The following PTPRG variants were observed in gnomAD, a reference collection of about 807,000 sequenced individuals.
PTPRG encodes protein tyrosine phosphatase receptor type G.
Under a neutral mutation model 165.3 loss-of-function variants are expected in PTPRG, and 102 were observed. The ratio of observed to expected loss-of-function variants is 0.62; its 90% CI spans 0.53 to 0.73. The LOEUF is 0.73. Among genes scored for constraint, PTPRG ranks in the 30% least tolerant of loss-of-function variants. PTPRG has a pLI of 0.00. For missense variants in PTPRG, 1,866 were observed against 1,861.4 expected (o/e 1.00, Z -0.05); for synonymous variants, 675 against 669.5 (o/e 1.01, Z -0.13).
chr3:61,669,199 A>G, intron 1 of PTPRG, among the ~76,000 whole-genome samples: 1 of 152,200 alleles, frequency 6.6e-6, no homozygotes, highest in East Asian at 1.9e-4. Flanking sequence ...AATAAAAAGT[A>G]TGAGCAGAAG....
At chr3:61,892,654 T>C (rs995152091) in intron 2 of PTPRG, among the ~76,000 whole-genome samples, 2 of 151,980 alleles carry the variant, frequency 1.3e-5, no homozygotes, top group East Asian at 1.9e-4. Context: ...CCTTCTTTAC[T>C]AAAAATACAA....
chr3:61,939,501 T>A (rs953526136), intron 2 of PTPRG, among the ~76,000 whole-genome samples: 1 of 152,218 alleles, frequency 6.6e-6, no homozygotes, highest in African/African-American at 2.4e-5. Context: ...CAGAAACTGC[T>A]GAAGATTTTA....
chr3:61,573,791 T>C (rs1022054609), intron 1 of PTPRG, among the ~76,000 whole-genome samples: 1 of 152,208 alleles, frequency 6.6e-6, no homozygotes, highest in African/African-American at 2.4e-5. Context: ...AGATATCTCA[T>C]GTTTGTATAT....
At chr3:61,819,104 C>T (rs1461466323) in intron 2 of PTPRG, among the ~76,000 whole-genome samples, 5 of 151,704 alleles carry the variant, frequency 3.3e-5, no homozygotes, top group African/African-American at 1.2e-4. Context: ...CTTTTTTTTT[C>T]TTTGACAGTA....
At chr3:61,616,729 G>A (rs1701308373) in intron 1 of PTPRG, among the ~76,000 whole-genome samples, 1 of 152,194 alleles carries the variant, frequency 6.6e-6, no homozygotes, top group Non-Finnish European at 1.5e-5. Context: ...GGCAAGCAGG[G>A]TGTGTTGGCT....
At chr3:61,743,097 T>G in intron 1 of PTPRG, 1 of 1,527,982 alleles carries the variant, frequency 6.5e-7, no homozygotes, top group Non-Finnish European at 9.0e-7. Context: ...TGCGAGAGAC[T>G]GCTGCTCATG....
At chr3:62,197,424 T>A (rs1699992102) in intron 10 of PTPRG, among the ~76,000 whole-genome samples, 1 of 152,238 alleles carries the variant, frequency 6.6e-6, no homozygotes, top group African/African-American at 2.4e-5. Flanking sequence ...AATGTTCACA[T>A]TGATCTCATC....
intron 1 of PTPRG, among the ~76,000 whole-genome samples, chr3:61,591,316 A>G (rs969653509): frequency 6.6e-6 from 1 of 152,178 alleles, no homozygotes. Flanking sequence ...TTCAGTCTCC[A>G]TTAGCTGGTC....
intron 14 of PTPRG, among the ~76,000 whole-genome samples, chr3:62,238,306 T>A (rs1436958288): frequency 6.6e-6 from 1 of 152,156 alleles, no homozygotes; most frequent in Non-Finnish European, 1.5e-5. Flanking sequence ...TCAGTGAATG[T>A]TTCATGTAAG....
In PTPRG at chr3:62,245,511, T is replaced by G. The variant is rs1224513398; in HGVS notation, c.2467+1613T>G. On this transcript the variant is annotated intron_variant, in intron 15 of 29. Transcript: ENST00000474889. This position sits in a 1 kb window ranked among gnomAD's most constrained non-coding sequence, Gnocchi z 4.2. Reference sequence around the variant, plus strand: ...TTAAATGGTGAAATACTTACTGGGCTGTTTTTCCATTTCTATTTTCTTTTA... The same window carrying G: ...TTAAATGGTGAAATACTTACTGGGCGGTTTTTCCATTTCTATTTTCTTTTA... Among the ~76,000 whole-genome samples, 1 of 152,178 alleles carries G rather than the reference T, an allele frequency of 6.6e-6. No homozygotes were observed. The highest frequency in any genetic ancestry group is 1.5e-5 in the Non-Finnish European group (1 of 68,026).
At chr3:62,231,882 A>G (rs1700911382) in intron 14 of PTPRG, among the ~76,000 whole-genome samples, 1 of 152,098 alleles carries the variant, frequency 6.6e-6, no homozygotes, top group Non-Finnish European at 1.5e-5. Context: ...ATACTTGGAA[A>G]AATTATTGTC....
rs1701923215 is a variant in PTPRG, at chr3:62,267,604, C to G, written c.2740-81C>G. ...GCTTTCACTAAAAACAAAGCCCATT[C>G]AATATGGAAGGCATTTGAATTATTG... On this transcript the variant is annotated intron_variant, in intron 18 of 29. Coordinates refer to ENST00000474889, the MANE Select transcript of PTPRG (RefSeq NM_002841.4). 6 of 1,548,294 alleles carry G rather than the reference C, an allele frequency of 3.9e-6. No homozygotes were observed. In the African/African-American group the frequency reaches 8.3e-5, roughly 21 times the overall value.
intron 5 of PTPRG, among the ~76,000 whole-genome samples, chr3:62,105,464 T>A (rs1468996520): frequency 6.6e-6 from 1 of 152,194 alleles, no homozygotes; most frequent in African/African-American, 2.4e-5. Flanking sequence ...TGTGAAGCCA[T>A]ACTATCAATA....
intron 5 of PTPRG, among the ~76,000 whole-genome samples, chr3:62,078,794 C>T (rs1701476953): frequency 6.6e-6 from 1 of 152,122 alleles, no homozygotes; most frequent in South Asian, 2.1e-4. Context: ...TTGATGAATG[C>T]TCATAACTCA....
At chr3:61,993,109 T>A (rs1011623449) in intron 3 of PTPRG, among the ~76,000 whole-genome samples, 3 of 152,172 alleles carry the variant, frequency 2.0e-5, no homozygotes, top group South Asian at 2.1e-4. Flanking sequence ...TAGGGTGGGG[T>A]TGATAATTTC....
At chr3:62,056,386 C>T (rs4688282) in intron 4 of PTPRG, among the ~76,000 whole-genome samples, 12,125 of 152,232 alleles carry the variant, frequency 0.08, 643 homozygotes, top group Non-Finnish European at 0.12. Flanking sequence ...TGGCCCAACA[C>T]AAATTTGTAA....
chr3:61,689,343 G>A (rs1458459800), intron 1 of PTPRG, among the ~76,000 whole-genome samples: 1 of 152,124 alleles, frequency 6.6e-6, no homozygotes, highest in African/African-American at 2.4e-5. Context: ...TTTCTTTACT[G>A]GGTCTTAGCA....
chr3:62,188,821 A>G (rs530618316), intron 8 of PTPRG, among the ~76,000 whole-genome samples: 128 of 152,192 alleles, frequency 8.4e-4, no homozygotes, highest in African/African-American at 2.9e-3. Context: ...AGGTGAGAAA[A>G]GATAGAGAAG....
chr3:62,266,322 T>C lies in PTPRG; in HGVS notation c.2657-1088T>C, dbSNP rs567266082. Among the ~76,000 whole-genome samples the C allele has an allele frequency of 2.6e-5, 4 of 152,248 alleles. No homozygotes were observed. The South Asian group carries it at 8.3e-4, about 32-fold the overall frequency. ...GTGAATGAGCCAGAAACATGATGTA[T>C]GAAAAACCTTCTCTCAGATTCATCA... On this transcript the variant is annotated intron_variant, in intron 17 of 29. Transcript: ENST00000474889.
Sources: gnomAD v4.1 joint callset for allele counts (sites outside exome capture counted in the v4.1 genomes callset) on GRCh38, gnomAD v4.1.1 for gene constraint, Gnocchi (gnomAD v3.1) non-coding constraint, MANE v1.5 for transcripts, NCBI Gene and HGNC (gene_info 2026-07-23, HGNC 2026-07-21) for gene names.